FAM193B: variants seen among roughly 807,000 people sequenced by gnomAD.
FAM193B encodes protein FAM193B.
A neutral mutation model predicts 70.7 loss-of-function variants in FAM193B; 27 were observed. The ratio of observed to expected loss-of-function variants is 0.38; its 90% confidence interval spans 0.28 to 0.53. FAM193B has a LOEUF of 0.53. Ranked by LOEUF, FAM193B falls within the 20% of genes least tolerant of loss-of-function variation. FAM193B has a pLI of 0.81. For missense variants in FAM193B, 1,022 were observed against 1,072.5 expected (o/e 0.95, Z 0.66); for synonymous variants, 448 against 436.0 (o/e 1.03, Z -0.34).
chr5:177,549,134 A>C lies in FAM193B; in HGVS notation c.210+5115T>G, dbSNP rs186821126. 1.6e-3 allele frequency among the ~76,000 whole-genome samples: 238 copies of C among 151,740 alleles called. 1 individual carries two copies. Among genetic ancestry groups the C allele is most frequent in the Non-Finnish European group, 2.8e-3 (192 of 67,970 alleles). On this transcript the variant is annotated intron_variant, in intron 1 of 8. Transcript: ENST00000514747. ...CTCAGAGCTACCACTTGTGTTAAGC[A>C]TACCGCACTTGTTGGACCCTAACAT...
chr5:177,526,079 G>A (rs996536618), intron 5 of FAM193B, among the ~76,000 whole-genome samples: 1 of 152,244 alleles, frequency 6.6e-6, no homozygotes, highest in Non-Finnish European at 1.5e-5. Flanking sequence ...AATGGAGGAA[G>A]AGAAACATGA....
chr5:177,540,467 T>A (rs1026896202), intron 1 of FAM193B, among the ~76,000 whole-genome samples: 15 of 152,224 alleles, frequency 9.9e-5, no homozygotes, highest in Admixed American at 6.5e-5. Flanking sequence ...TGGGCTTGAC[T>A]ATGTCACTTT....
At chr5:177,545,658 CA>C (rs35116415) in intron 1 of FAM193B, among the ~76,000 whole-genome samples, 75,872 of 118,842 alleles carry the variant, frequency 0.64, 22,612 homozygotes, top group East Asian at 0.77. Flanking sequence ...GAGCCTGTCT[CA>C]AAAAAAAAAA....
chr5:177,523,845 G>T (rs903864536), intron 7 of FAM193B, 112 bp downstream of exon 7: 2 of 1,236,032 alleles, frequency 1.6e-6, no homozygotes, highest in Non-Finnish European at 2.3e-6. Context: ...CTCCCCAAGG[G>T]GTCAGGGCCA....
At chr5:177,528,787 G>A (rs1018258599) in intron 5 of FAM193B, among the ~76,000 whole-genome samples, 3 of 152,060 alleles carry the variant, frequency 2.0e-5, no homozygotes. Flanking sequence ...GGAAGCCCAG[G>A]GAACCATGAG....
rs1334804639 is a variant in FAM193B at position 177,538,093 on chromosome 5, G to A, written c.468C>T (p.His156=). The part of the protein sequence containing the change: ...REHAVAISLS[H]TSCKSQSCGD... ...CACAAGACTGTGATTTGCAGGATGT[G>A]TGTGACAAGGAGATCTGGAGAAGGG... Residue 156 remains histidine (H), a synonymous_variant, in exon 3 of 9, where the codon CAC becomes CAT. Transcript: ENST00000514747. The surrounding 1 kb of genome is among the most constrained non-coding windows in gnomAD (Gnocchi z 4.1). The A allele has an allele frequency of 2.6e-6, 4 of 1,542,028 alleles. No homozygotes were observed. Among genetic ancestry groups the A allele is most frequent in the Non-Finnish European group, 3.5e-6 (4 of 1,138,650 alleles).
intron 7 of FAM193B, 121 bp from the exon 8 acceptor site, chr5:177,522,192 C>A: frequency 2.7e-6 from 2 of 752,072 alleles, no homozygotes; most frequent in South Asian, 1.6e-5. Context: ...ACCTCTTTGG[C>A]TCTCAGGTGC....
At chr5:177,521,695 G>A in intron 8 of FAM193B, among the ~76,000 whole-genome samples, 1 of 152,220 alleles carries the variant, frequency 6.6e-6, no homozygotes, top group African/African-American at 2.4e-5. Flanking sequence ...CTTAGGAGAT[G>A]CCAGTCCAGG....
At chr5:177,553,894 G>A (rs1483996420) in intron 1 of FAM193B, 2 of 1,231,208 alleles carry the variant, frequency 1.6e-6, no homozygotes, top group African/African-American at 1.6e-5. Flanking sequence ...TGTGGCTGAG[G>A]GAGCAGGTGG....
At chr5:177,526,296 C>T (rs1474236708) in intron 5 of FAM193B, among the ~76,000 whole-genome samples, 1 of 152,210 alleles carries the variant, frequency 6.6e-6, no homozygotes, top group African/African-American at 2.4e-5. Context: ...GAAGAGGCAT[C>T]TCTACATTCC....
At chr5:177,551,508 G>A (rs1004283183) in intron 1 of FAM193B, among the ~76,000 whole-genome samples, 1 of 152,140 alleles carries the variant, frequency 6.6e-6, no homozygotes, top group Non-Finnish European at 1.5e-5. Context: ...AGGAGCATAC[G>A]CTGTCTAAAA....
chr5:177,532,509 G>A lies in FAM193B; in HGVS notation c.1209C>T (p.Ser403=). Residue 403 remains serine (S), a synonymous_variant, in exon 5 of 9, where the codon TCC becomes TCT. Coordinates refer to ENST00000514747, the MANE Select transcript of FAM193B (RefSeq NM_001190946.3). This position sits in a 1 kb window ranked among gnomAD's most constrained non-coding sequence, Gnocchi z 4.9. ...ACTTCCCATCTCTCTGGTGGGTGGA[G>A]GATGAGGTGCAGGAGCTTCGCTCAG... is the stretch of plus-strand genomic sequence containing the variant. ...SSSERSSCTS[S]STHQRDGKFC... is the part of the protein sequence containing the mutation. 6.2e-7 allele frequency: 1 copy of A among 1,611,510 alleles called. No individual in the cohort carries two copies. The highest frequency in any genetic ancestry group is 8.5e-7 in the Non-Finnish European group (1 of 1,179,080).
intron 7 of FAM193B, chr5:177,522,880 A>C (rs1451077206): frequency 6.7e-6 from 1 of 149,960 alleles, no homozygotes; most frequent in African/African-American, 2.5e-5. Context: ...ACGCCCGGCT[A>C]ATTTTTGTAT....
rs41275301 is a variant in FAM193B at position 177,521,742 on chromosome 5, G to A, written c.*1+232C>T. On this transcript the variant is annotated intron_variant, in intron 8 of 8. Coordinates refer to ENST00000514747, the MANE Select transcript of FAM193B (RefSeq NM_001190946.3). ...CAGGAGCATGGGCAGCAGGGCCCAG[G>A]GAGGAGTAATAGAACAGAGGCCTAC... Among the ~76,000 whole-genome samples the A allele has an allele frequency of 8.7e-3, 1,325 of 152,336 alleles. 10 individuals are homozygous for A. The highest frequency in any genetic ancestry group is 0.014 in the Non-Finnish European group (937 of 68,024).
At chr5:177,540,086 C>T (rs1237664571) in intron 1 of FAM193B, among the ~76,000 whole-genome samples, 2 of 151,864 alleles carry the variant, frequency 1.3e-5, no homozygotes, top group Non-Finnish European at 2.9e-5. Flanking sequence ...GTGGGCGGAT[C>T]ACGAGGTCAG....
intron 1 of FAM193B, chr5:177,553,799 G>A (rs1766641497): frequency 7.8e-7 from 1 of 1,287,138 alleles, no homozygotes; most frequent in African/African-American, 1.5e-5. Flanking sequence ...CGCGGCTGCA[G>A]GCGCTGCAGG....
At chr5:177,533,554 C>A (rs1036622633) in intron 4 of FAM193B, among the ~76,000 whole-genome samples, 1 of 152,186 alleles carries the variant, frequency 6.6e-6, no homozygotes, top group Non-Finnish European at 1.5e-5. Flanking sequence ...GATCCACCTG[C>A]CTCGGCCTCC....
At chr5:177,520,794 G>T (rs1299791572) in intron 8 of FAM193B, among the ~76,000 whole-genome samples, 2 of 152,208 alleles carry the variant, frequency 1.3e-5, no homozygotes. Flanking sequence ...GGATCTGGAA[G>T]ATACTTCTGG....
At chr5:177,543,404 G>A (rs975179173) in intron 1 of FAM193B, among the ~76,000 whole-genome samples, 2 of 152,150 alleles carry the variant, frequency 1.3e-5, no homozygotes, top group African/African-American at 4.8e-5. Flanking sequence ...TATTATCTAA[G>A]CCCCTTGGCT....
Sources: allele counts gnomAD v4.1 joint callset (sites outside exome capture counted in the v4.1 genomes callset), GRCh38; gene constraint gnomAD v4.1.1; non-coding constraint Gnocchi (gnomAD v3.1); transcripts MANE v1.5; gene names NCBI Gene and HGNC (gene_info 2026-07-23, HGNC 2026-07-21).